Variants in TBC1D16 observed in about 807,000 individuals in gnomAD.
TBC1D16 encodes TBC1 domain family member 16.
A neutral mutation model predicts 74.7 loss-of-function variants in TBC1D16; 58 were observed. The ratio of observed to expected loss-of-function variants is 0.78; its 90% CI spans 0.63 to 0.97. The LOEUF (loss-of-function observed/expected upper bound fraction) is 0.97, where lower values mean the gene tolerates loss of function less well. TBC1D16 is among the 50% of genes least tolerant of loss of function. The probability of loss-of-function intolerance (pLI) is 0.00; values close to 1 mark genes in which losing one functional copy is unlikely to be tolerated. For synonymous variants in TBC1D16, 493 were observed against 474.7 expected, an observed-to-expected ratio of 1.04 and a Z score of -0.50; for missense variants, 1,014 against 1,079.5, an observed-to-expected ratio of 0.94 and a Z score of 0.85.
At chr17:79,968,060 T>TCGG (rs1277782523) in intron 3 of TBC1D16, among the ~76,000 whole-genome samples, 1 of 151,624 alleles carries the variant, frequency 6.6e-6, no homozygotes, top group East Asian at 1.9e-4. Context: ...TGGCGAGATC[T>TCGG]CGGCTCACTG....
At chr17:79,951,347 C>A in intron 5 of TBC1D16, 103 bp downstream of exon 5, 1 of 1,422,626 alleles carries the variant, frequency 7.0e-7, no homozygotes, top group South Asian at 1.3e-5. Context: ...CGTAAGCCCC[C>A]GGGGCCCGGG....
At position 80,019,410 on chromosome 17, in the gene TBC1D16, C is replaced by T. The variant is rs1471933840; in HGVS notation, c.-62-5801G>A. Among the ~76,000 whole-genome samples the T allele has an allele frequency of 2.0e-5, 3 of 146,512 alleles. No individual in the cohort carries two copies. The East Asian group carries it at 6.0e-4, about 29-fold the overall frequency. On this transcript the variant is annotated intron_variant, in intron 1 of 11. Transcript: ENST00000310924. ...CCCACGTGCAGAACTCCGGCTCCTC[C>T]ATCACCCGCCACCTGGGACACCAGG...
intron 3 of TBC1D16, among the ~76,000 whole-genome samples, chr17:79,999,957 C>T (rs1005289785): frequency 6.6e-6 from 1 of 152,174 alleles, no homozygotes; most frequent in African/African-American, 2.4e-5. Context: ...CAGACTCACT[C>T]GCTCAGCTCT....
At chr17:79,943,346 G>T (rs192802875) in intron 10 of TBC1D16, among the ~76,000 whole-genome samples, 1 of 152,284 alleles carries the variant, frequency 6.6e-6, no homozygotes, top group Admixed American at 6.5e-5. Context: ...AATGTGGGGA[G>T]GGAGAGGGAG....
intron 3 of TBC1D16, among the ~76,000 whole-genome samples, chr17:79,977,629 C>T (rs189852745): frequency 6.6e-6 from 1 of 152,376 alleles, no homozygotes; most frequent in Admixed American, 6.5e-5. Context: ...TCTAGGAACC[C>T]CATTAGGCTC....
intron 3 of TBC1D16, among the ~76,000 whole-genome samples, chr17:79,966,544 C>T (rs886907104): frequency 1.3e-5 from 2 of 152,158 alleles, no homozygotes; most frequent in Non-Finnish European, 2.9e-5. Flanking sequence ...TCCAAGGCCC[C>T]GCTCAAACAC....
At position 80,009,031 on chromosome 17, in the gene TBC1D16, C is replaced by A. The variant is rs1426479482; in HGVS notation, c.779+1129G>T. On this transcript the variant is annotated intron_variant, in intron 3 of 11. Transcript: ENST00000310924. The surrounding 1 kb of genome is among the most constrained non-coding windows in gnomAD (Gnocchi z 5.4). ...TGGCAAGCTGCTGACCTTCTCCGAGCCGCCCTTTCCCCTTCGATAGCAGGG... is the reference window on the plus strand; with the variant it reads ...TGGCAAGCTGCTGACCTTCTCCGAGACGCCCTTTCCCCTTCGATAGCAGGG... Among the ~76,000 whole-genome samples the A allele has an allele frequency of 6.6e-6, 1 of 152,218 alleles. No homozygotes were observed. Among genetic ancestry groups the A allele is most frequent in the African/African-American group, 2.4e-5 (1 of 41,456 alleles).
In TBC1D16 at chr17:80,010,069, C is replaced by T; in HGVS notation, c.779+91G>A. 1 of 1,132,216 alleles carries T rather than the reference C, an allele frequency of 8.8e-7. No individual in the cohort carries two copies. The highest frequency in any genetic ancestry group is 1.2e-6 in the Non-Finnish European group (1 of 805,984). 70.1% of individuals were successfully genotyped at this position (1,132,216 alleles called of 1,614,324 possible). A position where few individuals can be genotyped will look rare whatever the true frequency, so the allele number is the denominator to read the frequency against. On this transcript the variant is annotated intron_variant, in intron 3 of 11. Transcript: ENST00000310924. This position sits in a 1 kb window ranked among gnomAD's most constrained non-coding sequence, Gnocchi z 8.8. ...TCGGGCAGATGCCTCCAGCGCTCAC[C>T]TGGCATCACAGGTGACGCAGGTGAG...
intron 3 of TBC1D16, among the ~76,000 whole-genome samples, chr17:79,989,709 T>A (rs942035033): frequency 2.6e-5 from 4 of 152,136 alleles, no homozygotes; most frequent in African/African-American, 9.7e-5. Flanking sequence ...TACACGAACA[T>A]CCTCAAATAC....
rs1480496496 is a variant in TBC1D16, at chr17:79,985,522, G to A, written c.779+24638C>T. 6.6e-6 allele frequency among the ~76,000 whole-genome samples: 1 copy of A among 152,180 alleles called. No individual in the cohort carries two copies. The highest frequency in any genetic ancestry group is 6.5e-5 in the Admixed American group (1 of 15,276). On this transcript the variant is annotated intron_variant, in intron 3 of 11. Coordinates refer to ENST00000310924, the MANE Select transcript of TBC1D16 (RefSeq NM_019020.4). This position sits in a 1 kb window ranked among gnomAD's most constrained non-coding sequence, Gnocchi z 4.9. Reference sequence around the variant, plus strand: ...CCCCAAGGCCAGGCAGGTCCTCGAGGAGCATCTCCCAGTCCAGTCTCAGCG... The same window carrying A: ...CCCCAAGGCCAGGCAGGTCCTCGAGAAGCATCTCCCAGTCCAGTCTCAGCG...
chr17:79,980,702 G>GC lies in TBC1D16; in HGVS notation c.780-27885dup, dbSNP rs1003919621. 6.6e-5 allele frequency among the ~76,000 whole-genome samples: 10 copies of GC among 152,202 alleles called. No homozygotes were observed. Among genetic ancestry groups the GC allele is most frequent in the Admixed American group, 6.5e-4 (10 of 15,276 alleles). On this transcript the variant is annotated intron_variant, in intron 3 of 11. Transcript: ENST00000310924. The surrounding 1 kb of genome is among the most constrained non-coding windows in gnomAD (Gnocchi z 7.0). Reference sequence around the variant, plus strand: ...CCACATGGCTTGGTCCCGCCTTTCAGCCCCCCAGGGTTCACTCGAACCGCC... The same window carrying GC: ...CCACATGGCTTGGTCCCGCCTTTCAGCCCCCCCAGGGTTCACTCGAACCGCC...
intron 3 of TBC1D16, among the ~76,000 whole-genome samples, chr17:79,959,643 T>C (rs998984692): frequency 2.0e-5 from 3 of 152,176 alleles, no homozygotes; most frequent in African/African-American, 4.8e-5. Context: ...TAAACGATAC[T>C]GGATCAACAG....
Position 79,956,321 on chromosome 17 carries a change from A to C in TBC1D16, c.780-3503T>G, listed in dbSNP as rs1178667113. Among the ~76,000 whole-genome samples, 2 of 152,204 alleles carry C rather than the reference A, an allele frequency of 1.3e-5. No individual in the cohort carries two copies. Among genetic ancestry groups the C allele is most frequent in the Non-Finnish European group, 2.9e-5 (2 of 68,038 alleles). On this transcript the variant is annotated intron_variant, in intron 3 of 11. Transcript: ENST00000310924. This position sits in a 1 kb window ranked among gnomAD's most constrained non-coding sequence, Gnocchi z 4.0. ...CTGGCTGAAGTGCGGTGGTGCAAACACAACTCACCGCAGCCTCAGCCTCCG... is the reference window on the plus strand; with the variant it reads ...CTGGCTGAAGTGCGGTGGTGCAAACCCAACTCACCGCAGCCTCAGCCTCCG...
Position 79,973,306 on chromosome 17 carries a change from C to T in TBC1D16, c.780-20488G>A, listed in dbSNP as rs184726261. On this transcript the variant is annotated intron_variant, in intron 3 of 11. Coordinates refer to ENST00000310924, the MANE Select transcript of TBC1D16 (RefSeq NM_019020.4). ...AAATAGAAGTGGCTGGGCGCGGTGG[C>T]TCATGCCTGTAATCCCAGCACTTTG... Among the ~76,000 whole-genome samples the T allele has an allele frequency of 9.9e-3, 1,508 of 152,220 alleles. 32 individuals carry two copies. Among genetic ancestry groups the T allele is most frequent in the African/African-American group, 0.035 (1,461 of 41,526 alleles).
At chr17:79,989,839 C>T (rs1019915679) in intron 3 of TBC1D16, among the ~76,000 whole-genome samples, 2 of 152,156 alleles carry the variant, frequency 1.3e-5, no homozygotes, top group Non-Finnish European at 2.9e-5. Flanking sequence ...CCACTGTACC[C>T]TCATGGCCAC....
intron 3 of TBC1D16, among the ~76,000 whole-genome samples, chr17:79,971,000 T>C (rs1438339803): frequency 6.6e-6 from 1 of 152,088 alleles, no homozygotes; most frequent in Non-Finnish European, 1.5e-5. Context: ...TAATTTTACA[T>C]TAATATACAC....
intron 3 of TBC1D16, among the ~76,000 whole-genome samples, chr17:79,976,282 G>C (rs929996280): frequency 6.6e-6 from 1 of 152,184 alleles, no homozygotes; most frequent in Non-Finnish European, 1.5e-5. Context: ...GTCCCAGGCT[G>C]TCTCTCTTGC....
intron 6 of TBC1D16, 53 bp from the exon 7 acceptor site, chr17:79,949,918 A>ACC: frequency 6.3e-7 from 1 of 1,581,236 alleles, no homozygotes; most frequent in South Asian, 1.1e-5. Context: ...AGCTCAAAGA[A>ACC]CCCCCAAATC....
In TBC1D16 at chr17:79,944,244, C is replaced by G; in HGVS notation, c.1908+664G>C. On this transcript the variant is annotated intron_variant, in intron 10 of 11. Transcript: ENST00000310924. The surrounding 1 kb of genome is among the most constrained non-coding windows in gnomAD (Gnocchi z 7.7). ...ATAGAGCCAGCTCCTGCAAAAGGGT[C>G]CAGCCCTCCTGGATGCGTCGATGTG... 1 of 1,137,468 alleles carries G rather than the reference C, an allele frequency of 8.8e-7. No homozygotes were observed. The allele number at this position is 1,137,468 out of a possible 1,614,324, so 70.5% of individuals were successfully genotyped here. A position where few individuals can be genotyped will look rare whatever the true frequency, so the allele number is the denominator to read the frequency against.
Sources: allele counts gnomAD v4.1 joint callset (sites outside exome capture counted in the v4.1 genomes callset), GRCh38; gene constraint gnomAD v4.1.1; non-coding constraint Gnocchi (gnomAD v3.1); transcripts MANE v1.5; gene names NCBI Gene and HGNC (gene_info 2026-07-23, HGNC 2026-07-21).